The following SOCS6 variants were observed in gnomAD, a reference collection of about 807,000 sequenced individuals.
The protein encoded by SOCS6 is STAT induced STAT inhibitor-4.
Under a neutral mutation model 27.7 loss-of-function variants are expected in SOCS6, and 5 were observed. The ratio of observed to expected loss-of-function variants is 0.18; its 90% CI spans 0.09 to 0.38. The LOEUF is 0.38. Among genes scored for constraint, SOCS6 ranks in the 10% least tolerant of loss-of-function variants. SOCS6 has a pLI of 1.00. For missense variants in SOCS6, 595 were observed against 688.1 expected, an observed-to-expected ratio of 0.86 and a Z score of 1.51; for synonymous variants, 271 against 260.0, an observed-to-expected ratio of 1.04 and a Z score of -0.41.
In SOCS6 at chr18:70,325,720, C is replaced by G; in HGVS notation, c.1052C>G (p.Ala351Gly). The G allele has an allele frequency of 6.2e-7, 1 of 1,614,188 alleles. No homozygotes were observed. Among genetic ancestry groups the G allele is most frequent in the South Asian group, 1.1e-5 (1 of 91,084 alleles). ...CATTTGAATTTTGATCCGAACTCTG[C>G]TCCTGGGGTTGCAAGAGTTTATGAC... is the stretch of plus-strand genomic sequence containing the variant. Reference protein sequence around the residue: ...RCHLNFDPNSAPGVARVYDSV... With the variant: ...RCHLNFDPNSGPGVARVYDSV... Residue 351 changes from alanine (A) to glycine (G), a missense_variant, in exon 2 of 2, where the codon GCT becomes GGT. Coordinates refer to ENST00000397942, the MANE Select transcript of SOCS6 (RefSeq NM_004232.4). This position sits in a 1 kb window ranked among gnomAD's most constrained non-coding sequence, Gnocchi z 6.3.
Position 70,326,170 on chromosome 18 carries a change from A to C in SOCS6, c.1502A>C (p.Gln501Pro), listed in dbSNP as rs754071589. ...CGGTTCATGCAGGTGCGCTCGTTGC[A>C]GTACCTGTGTCGTTTTGTTATACGT... ...VSRFMQVRSL[Q>P]YLCRFVIRQY... The change falls in exon 2 of 2, where the codon CAG becomes CCG. Residue 501 changes from glutamine (Q) to proline (P), a missense_variant. Gln to Pro is a moderately conservative substitution (Grantham distance 76). Coordinates refer to ENST00000397942, the MANE Select transcript of SOCS6 (RefSeq NM_004232.4). The C allele has an allele frequency of 1.2e-6, 2 of 1,614,188 alleles. No individual in the cohort carries two copies.
rs1377729839 is a variant in SOCS6 at position 70,329,934 on chromosome 18, C to T, written c.*3658C>T. On this transcript the variant is annotated 3_prime_UTR_variant, in exon 2 of 2. Transcript: ENST00000397942. ...TTTACATGTTGGGTGAAAGAAATTT[C>T]ATAGTCGTTGGAGTGCCATGAAATT... 1 of 166,992 alleles carries T rather than the reference C, an allele frequency of 6.0e-6. No homozygotes were observed. 10.3% of individuals were successfully genotyped at this position (166,992 alleles called of 1,614,324 possible).
chr18:70,317,404 T>G (rs1317082302), intron 1 of SOCS6, among the ~76,000 whole-genome samples: 2 of 151,908 alleles, frequency 1.3e-5, no homozygotes, highest in South Asian at 4.2e-4. Context: ...TTTTTATAGC[T>G]AAGTAGTATT....
chr18:70,324,626 C>A lies in SOCS6; in HGVS notation c.-43C>A. ...TCTCCAGATGTTTGGGGATAATATT[C>A]CAGATAGAAATATTGATCCCTTGGA... On this transcript the variant is annotated 5_prime_UTR_variant, in exon 2 of 2. Transcript: ENST00000397942. The A allele has an allele frequency of 2.3e-6, 3 of 1,313,832 alleles. No homozygotes were observed. Among genetic ancestry groups the A allele is most frequent in the Non-Finnish European group, 3.2e-6 (3 of 944,952 alleles). 81.4% of individuals were successfully genotyped at this position (1,313,832 alleles called of 1,614,324 possible).
At chr18:70,314,764 A>G (rs2062404904) in intron 1 of SOCS6, among the ~76,000 whole-genome samples, 2 of 151,956 alleles carry the variant, frequency 1.3e-5, no homozygotes, top group Admixed American at 1.3e-4. Flanking sequence ...TTCTTGTCTA[A>G]TTCATTGGCT....
In SOCS6 at chr18:70,326,152, T is replaced by C; in HGVS notation, c.1484T>C (p.Met495Thr). ...VRLTNPVSRF[M>T]QVRSLQYLCR... is the part of the protein sequence containing the mutation. The stretch of plus-strand genomic sequence containing the variant: ...CTGACCAACCCAGTGTCCCGGTTCA[T>C]GCAGGTGCGCTCGTTGCAGTACCTG... Residue 495 changes from methionine (M) to threonine (T), a missense_variant, in exon 2 of 2, where the codon ATG (methionine) becomes ACG (threonine). By Grantham distance (81) the Met-to-Thr change is moderately conservative (BLOSUM62 -1). This residue lies in a region of SOCS6 where 128 missense variants were observed against 207.0 expected (regional missense o/e 0.62). Transcript: ENST00000397942. 6.2e-7 allele frequency: 1 copy of C among 1,614,252 alleles called. No individual in the cohort carries two copies. The highest frequency in any genetic ancestry group is 1.1e-5 in the South Asian group (1 of 91,092).
chr18:70,315,096 A>G (rs73965332), intron 1 of SOCS6, among the ~76,000 whole-genome samples: 1,839 of 152,048 alleles, frequency 0.012, 39 homozygotes, highest in African/African-American at 0.041. Context: ...ACCACTCCCA[A>G]TGTTTGCTGG....
At chr18:70,319,444 T>A (rs1419101931) in intron 1 of SOCS6, among the ~76,000 whole-genome samples, 2 of 152,140 alleles carry the variant, frequency 1.3e-5, no homozygotes, top group African/African-American at 2.4e-5. Flanking sequence ...TCCTCTTTCA[T>A]CATAATCCTG....
intron 1 of SOCS6, among the ~76,000 whole-genome samples, chr18:70,290,916 CCT>C (rs2062296446): frequency 6.6e-6 from 1 of 152,222 alleles, no homozygotes; most frequent in East Asian, 1.9e-4. Flanking sequence ...CCCATGACCC[CCT>C]CTCTTGGTGG....
At chr18:70,309,095 T>A (rs1027246207) in intron 1 of SOCS6, among the ~76,000 whole-genome samples, 1 of 152,242 alleles carries the variant, frequency 6.6e-6, no homozygotes, top group Non-Finnish European at 1.5e-5. Context: ...CTTTATGGCC[T>A]CTTAACAATG....
chr18:70,318,406 TGGAGATACAG>T (rs1425375457), intron 1 of SOCS6, among the ~76,000 whole-genome samples: 1 of 152,186 alleles, frequency 6.6e-6, no homozygotes, highest in Non-Finnish European at 1.5e-5. Context: ...TCTTTGGTGT[TGGAGATACAG>T]TCATGACCAC....
chr18:70,322,998 CCAT>C (rs1327446225), intron 1 of SOCS6, among the ~76,000 whole-genome samples: 1 of 152,190 alleles, frequency 6.6e-6, no homozygotes, highest in Non-Finnish European at 1.5e-5. Context: ...GATTAGGTGA[CCAT>C]CAGTTATTCA....
At chr18:70,320,092 A>T (rs1234739773) in intron 1 of SOCS6, among the ~76,000 whole-genome samples, 1 of 152,020 alleles carries the variant, frequency 6.6e-6, no homozygotes, top group Non-Finnish European at 1.5e-5. Context: ...CCTGGGCTCA[A>T]GTGATTCTCC....
At position 70,327,287 on chromosome 18, in the gene SOCS6, ATTGAT is replaced by A. The variant is rs1911245622; in HGVS notation, c.*1016_*1020del. The A allele has an allele frequency of 6.0e-6, 1 of 166,786 alleles. No individual in the cohort carries two copies. The highest frequency in any genetic ancestry group is 2.4e-5 in the African/African-American group (1 of 41,432). 10.3% of individuals were successfully genotyped at this position (166,786 alleles called of 1,614,324 possible). ...CATTAATGTTTATAAAAAGTTTTAA[ATTGAT>A]TTGAATAGAAAGAAAACATTGTTTT... is the stretch of plus-strand genomic sequence containing the variant. On this transcript the variant is annotated 3_prime_UTR_variant, in exon 2 of 2. Transcript: ENST00000397942.
intron 1 of SOCS6, among the ~76,000 whole-genome samples, chr18:70,306,075 T>C (rs2062368031): frequency 6.6e-6 from 1 of 151,866 alleles, no homozygotes; most frequent in Non-Finnish European, 1.5e-5. Context: ...CTGTCTCTAT[T>C]AAAAGTTAGC....
intron 1 of SOCS6, among the ~76,000 whole-genome samples, chr18:70,296,349 C>G (rs41335746): frequency 0.015 from 2,346 of 152,304 alleles, 64 homozygotes; most frequent in African/African-American, 0.053. Context: ...GAATAGAGGT[C>G]TGTGTCTTGC....
chr18:70,303,970 G>A (rs2062358888), intron 1 of SOCS6, among the ~76,000 whole-genome samples: 1 of 152,154 alleles, frequency 6.6e-6, no homozygotes, highest in Non-Finnish European at 1.5e-5. Flanking sequence ...TTGGTTGTAT[G>A]TGTGGAAAAA....
chr18:70,324,755 A>G lies in SOCS6; in HGVS notation c.87A>G (p.Gln29=). The G allele has an allele frequency of 6.2e-7, 1 of 1,613,858 alleles. No individual in the cohort carries two copies. Residue 29 remains glutamine, a synonymous_variant, in exon 2 of 2, where the codon CAA becomes CAG. Transcript: ENST00000397942. ...KEETDFMVVQ[Q]PSLASDFGKD... ...AAACTGATTTCATGGTAGTACAACAACCATCGCTAGCCAGTGACTTTGGAA... is the reference window on the plus strand; with the variant it reads ...AAACTGATTTCATGGTAGTACAACAGCCATCGCTAGCCAGTGACTTTGGAA...
In SOCS6 at chr18:70,325,046, G is replaced by A. The variant is rs748033311; in HGVS notation, c.378G>A (p.Ser126=). 3.7e-6 allele frequency: 6 copies of A among 1,613,972 alleles called. No homozygotes were observed. Among genetic ancestry groups the A allele is most frequent in the African/African-American group, 1.3e-5 (1 of 74,918 alleles). ...VRAQRPIRST[S]LRSHHYSPAP... ...CTCAGAGGCCGATAAGGTCCACGTC[G>A]CTCCGCAGCCATCACTACAGTCCCG... The change falls in exon 2 of 2, where the codon TCG becomes TCA. Residue 126 remains serine (S), a synonymous_variant. Transcript: ENST00000397942. This position sits in a 1 kb window ranked among gnomAD's most constrained non-coding sequence, Gnocchi z 6.3.
Sources: gnomAD v4.1 joint callset for allele counts (sites outside exome capture counted in the v4.1 genomes callset) on GRCh38, gnomAD v4.1.1 for gene constraint, gnomAD v4.1.1 regional missense constraint, Gnocchi (gnomAD v3.1) non-coding constraint, MANE v1.5 for transcripts, NCBI Gene and HGNC (gene_info 2026-07-23, HGNC 2026-07-21) for gene names.